NEDD1: variants seen among roughly 807,000 people sequenced by gnomAD.
The protein encoded by NEDD1 is NEDD1 gamma-tubulin ring complex targeting factor.
In NEDD1, 33 loss-of-function variants were observed where a neutral mutation model predicts 74.0. The ratio of observed to expected loss-of-function variants is 0.45; its 90% CI spans 0.34 to 0.60. The LOEUF is 0.60. NEDD1 is among the 20% of genes least tolerant of loss of function. The probability of loss-of-function intolerance (pLI) is 0.01; values close to 1 mark genes in which losing one functional copy is unlikely to be tolerated. For missense variants in NEDD1, 746 were observed against 776.5 expected (o/e 0.96, Z 0.47); for synonymous variants, 250 against 264.4 (o/e 0.95, Z 0.53).
At chr12:96,941,233 G>A (rs575556658) in intron 10 of NEDD1, among the ~76,000 whole-genome samples, 1 of 152,158 alleles carries the variant, frequency 6.6e-6, no homozygotes, top group South Asian at 2.1e-4. Context: ...AGCCCACAAA[G>A]ATTTGTGTAT....
chr12:96,930,101 A>C (rs926583557), intron 6 of NEDD1, among the ~76,000 whole-genome samples: 3 of 150,790 alleles, frequency 2.0e-5, no homozygotes, highest in African/African-American at 7.3e-5. Flanking sequence ...AGTTTGTTGT[A>C]AATGTTGTCC....
rs1411559225 is a variant in NEDD1 at position 96,932,460 on chromosome 12, A to T, written c.490-2516A>T. On this transcript the variant is annotated intron_variant, in intron 6 of 15. Coordinates refer to ENST00000266742, the MANE Select transcript of NEDD1 (RefSeq NM_152905.4). The stretch of plus-strand genomic sequence containing the variant: ...TGTCTCTTAAAAAAAAAAAAAAAAA[A>T]AAAATATATATATATATATATATAT... 3.6e-5 allele frequency among the ~76,000 whole-genome samples: 2 copies of T among 56,328 alleles called. 1 individual carries two copies. The highest frequency in any genetic ancestry group is 1.3e-4 in the African/African-American group (2 of 15,324). The allele number at this position is 56,328 out of a possible 152,430, so 37.0% of individuals were successfully genotyped here.
intron 4 of NEDD1, among the ~76,000 whole-genome samples, chr12:96,917,302 G>A (rs1374304611): frequency 6.6e-6 from 1 of 152,172 alleles, no homozygotes; most frequent in Non-Finnish European, 1.5e-5. Context: ...TTTATCAAGA[G>A]GAGATAGGAT....
At chr12:96,911,251 A>G (rs756512687) in intron 3 of NEDD1, among the ~76,000 whole-genome samples, 5 of 152,160 alleles carry the variant, frequency 3.3e-5, no homozygotes, top group Non-Finnish European at 7.3e-5. Context: ...AGCAATTTGT[A>G]GTAAGATTAT....
chr12:96,937,576 T>C (rs1877258033), intron 9 of NEDD1, among the ~76,000 whole-genome samples, 183 bp downstream of exon 9: 1 of 152,104 alleles, frequency 6.6e-6, no homozygotes, highest in Admixed American at 6.6e-5. Flanking sequence ...TGGCTATTAA[T>C]TTCAAAAATG....
Position 96,907,671 on chromosome 12 carries a change from G to T in NEDD1, c.-194G>T. On this transcript the variant is annotated 5_prime_UTR_variant, in exon 2 of 16. Coordinates refer to ENST00000266742, the MANE Select transcript of NEDD1 (RefSeq NM_152905.4). ...GTCCTGCAAGTAAAGTGTATTTTTG[G>T]TGATTGAAAGTTGGAGAACTTTCAT... 1 of 1,551,018 alleles carries T rather than the reference G, an allele frequency of 6.4e-7. No homozygotes were observed. Among genetic ancestry groups the T allele is most frequent in the South Asian group, 1.2e-5 (1 of 84,054 alleles).
At chr12:96,926,030 G>C (rs1273004934) in intron 6 of NEDD1, among the ~76,000 whole-genome samples, 2 of 151,198 alleles carry the variant, frequency 1.3e-5, no homozygotes, top group African/African-American at 4.9e-5. Flanking sequence ...CTTTCAAAGG[G>C]ATTTTTTTTT....
intron 11 of NEDD1, among the ~76,000 whole-genome samples, chr12:96,942,846 A>G (rs1051569048): frequency 6.6e-6 from 1 of 152,050 alleles, no homozygotes; most frequent in Non-Finnish European, 1.5e-5. Context: ...CATTCAACTT[A>G]AGACTCAACT....
chr12:96,938,927 CA>C (rs1226568486), intron 9 of NEDD1, among the ~76,000 whole-genome samples: 10 of 151,964 alleles, frequency 6.6e-5, no homozygotes, highest in Admixed American at 6.6e-4. Context: ...TGCTTTTAGG[CA>C]ATTCTCTTAA....
chr12:96,912,843 CTT>C, intron 4 of NEDD1, 26 bp downstream of exon 4: 1 of 1,200,714 alleles, frequency 8.3e-7, no homozygotes, highest in Non-Finnish European at 1.2e-6. Context: ...TTTTTTTAAA[CTT>C]TTAAAAATCT....
intron 6 of NEDD1, among the ~76,000 whole-genome samples, chr12:96,928,178 G>A (rs1875918924): frequency 6.6e-6 from 1 of 152,026 alleles, no homozygotes; most frequent in African/African-American, 2.4e-5. Context: ...TGTCCATATA[G>A]TTATACTCAT....
At chr12:96,944,418 C>A (rs1310975463) in intron 12 of NEDD1, among the ~76,000 whole-genome samples, 1 of 151,342 alleles carries the variant, frequency 6.6e-6, no homozygotes, top group East Asian at 1.9e-4. Context: ...AGTAAATGAG[C>A]TTTTCCTCAT....
intron 1 of NEDD1, 31 bp downstream of exon 1, chr12:96,907,331 G>A (rs983449215): frequency 5.4e-5 from 20 of 373,696 alleles, no homozygotes; most frequent in African/African-American, 8.5e-5. Context: ...AGGTCAGCGG[G>A]CCCCCGCCCG....
intron 6 of NEDD1, among the ~76,000 whole-genome samples, chr12:96,929,551 A>G (rs1198357324): frequency 9.0e-6 from 1 of 111,526 alleles, no homozygotes; most frequent in African/African-American, 3.9e-5. Context: ...TATTGTTTTC[A>G]TGTATACACA....
At chr12:96,932,442 TAAAAAAAAA>T (rs747225218) in intron 6 of NEDD1, among the ~76,000 whole-genome samples, 1 of 10,664 alleles carries the variant, frequency 9.4e-5, no homozygotes, top group Non-Finnish European at 1.3e-4. Context: ...TCCTGTCTCT[TAAAAAAAAA>T]AAAAAAAAAA....
intron 6 of NEDD1, chr12:96,924,899 G>A (rs555469758): frequency 4.7e-5 from 21 of 445,352 alleles, no homozygotes; most frequent in Middle Eastern, 3.3e-4. Flanking sequence ...CCAAATTCTG[G>A]AAGAAGCATT....
At chr12:96,926,546 T>G (rs1477322780) in intron 6 of NEDD1, among the ~76,000 whole-genome samples, 3 of 151,946 alleles carry the variant, frequency 2.0e-5, no homozygotes, top group African/African-American at 7.3e-5. Flanking sequence ...TTTAAACCTT[T>G]GGAATTTTTT....
chr12:96,938,272 C>T (rs1442360567), intron 9 of NEDD1, among the ~76,000 whole-genome samples: 1 of 151,724 alleles, frequency 6.6e-6, no homozygotes, highest in Non-Finnish European at 1.5e-5. Context: ...ATATAAGAGC[C>T]ATTATATATT....
intron 9 of NEDD1, among the ~76,000 whole-genome samples, chr12:96,937,987 T>G (rs1302644128): frequency 6.6e-6 from 1 of 152,150 alleles, no homozygotes; most frequent in Non-Finnish European, 1.5e-5. Context: ...AGTTATGCTA[T>G]ACTGTCAACG....
Sources: gnomAD v4.1 joint callset for allele counts (sites outside exome capture counted in the v4.1 genomes callset) on GRCh38, gnomAD v4.1.1 for gene constraint, MANE v1.5 for transcripts, NCBI Gene and HGNC (gene_info 2026-07-23, HGNC 2026-07-21) for gene names.